The following FAM169A variants were observed in gnomAD, a reference collection of about 807,000 sequenced individuals.
FAM169A encodes the protein soluble lamin-associated protein of 75 kDa.
A neutral mutation model predicts 75.7 loss-of-function variants in FAM169A; 24 were observed. That is an observed-to-expected ratio of 0.32 (90% CI 0.23 to 0.45). FAM169A has a LOEUF of 0.45. Ranked by LOEUF, FAM169A falls within the 20% of genes least tolerant of loss-of-function variation. FAM169A has a pLI of 1.00. For missense variants in FAM169A, 673 were observed against 784.0 expected (o/e 0.86, Z 1.69); for synonymous variants, 271 against 271.0 (o/e 1.00, Z 0.00).
At chr5:74,821,690 A>C (rs1561307747) in intron 5 of FAM169A, among the ~76,000 whole-genome samples, 1 of 152,208 alleles carries the variant, frequency 6.6e-6, no homozygotes, top group Non-Finnish European at 1.5e-5. Flanking sequence ...TTTTTTGTTC[A>C]AATTAACAGT....
At chr5:74,858,626 T>G (rs1487251435) in intron 1 of FAM169A, among the ~76,000 whole-genome samples, 1 of 152,024 alleles carries the variant, frequency 6.6e-6, no homozygotes, top group Non-Finnish European at 1.5e-5. Context: ...AAGCTACCTA[T>G]CAGGTACTAT....
chr5:74,810,516 G>C (rs1413130806), intron 6 of FAM169A, among the ~76,000 whole-genome samples: 1 of 152,018 alleles, frequency 6.6e-6, no homozygotes, highest in African/African-American at 2.4e-5. Context: ...TTGGGAGTCC[G>C]AGGCGGGTGG....
intron 6 of FAM169A, among the ~76,000 whole-genome samples, chr5:74,808,843 T>C (rs879532387): frequency 9.2e-5 from 14 of 152,322 alleles, no homozygotes; most frequent in Admixed American, 2.6e-4. Flanking sequence ...TCAATAAATA[T>C]TGTATTTAGT....
chr5:74,842,106 A>G (rs1561319677), intron 1 of FAM169A, among the ~76,000 whole-genome samples: 1 of 150,298 alleles, frequency 6.7e-6, no homozygotes, highest in South Asian at 2.1e-4. Context: ...ACAACCCTAT[A>G]AATTTCAAAA....
chr5:74,842,420 CAAAAAAAAAAAAAAAAAAAAAA>C (rs56653446), intron 1 of FAM169A, among the ~76,000 whole-genome samples: 1 of 22,462 alleles, frequency 4.5e-5, no homozygotes, highest in Non-Finnish European at 7.7e-5. Context: ...GACTCTATCA[CAAAAAAAAAAAAAAAAAAAAAA>C]AAAAAAAAAA....
At chr5:74,850,770 C>A (rs1056144528) in intron 1 of FAM169A, among the ~76,000 whole-genome samples, 3 of 152,050 alleles carry the variant, frequency 2.0e-5, no homozygotes, top group Non-Finnish European at 4.4e-5. Context: ...AATCTAATAC[C>A]TTAATACAGA....
intron 5 of FAM169A, among the ~76,000 whole-genome samples, chr5:74,822,262 A>T (rs572786199): frequency 1.3e-5 from 2 of 152,294 alleles, no homozygotes; most frequent in East Asian, 3.9e-4. Context: ...AGGAAAAGGA[A>T]TGCATCTTAA....
Position 74,781,338 on chromosome 5 carries a change from AAGTT to A in FAM169A, c.*118_*121del, listed in dbSNP as rs1745398199. The A allele has an allele frequency of 1.1e-5, 9 of 836,104 alleles. No homozygotes were observed. Among genetic ancestry groups the A allele is most frequent in the Non-Finnish European group, 1.7e-5 (9 of 533,958 alleles). The allele number at this position is 836,104 out of a possible 1,614,324, so 51.8% of individuals were successfully genotyped here. Reference sequence around the variant, plus strand: ...GGAAGCAAAAAACTGCATAGTAAGTAAGTTCAAATTGAAATTTTGGAAATTTTTG... The same window carrying A: ...GGAAGCAAAAAACTGCATAGTAAGTACAAATTGAAATTTTGGAAATTTTTG... On this transcript the variant is annotated 3_prime_UTR_variant, in exon 13 of 13. Coordinates refer to ENST00000687041, the MANE Select transcript of FAM169A (RefSeq NM_001376049.1).
intron 10 of FAM169A, among the ~76,000 whole-genome samples, chr5:74,797,337 C>T (rs1322996410): frequency 1.3e-5 from 2 of 152,098 alleles, no homozygotes; most frequent in Non-Finnish European, 1.5e-5. Context: ...CCACCACGCC[C>T]GGCTAATTTT....
rs1745227635 is a variant in FAM169A, at chr5:74,778,367, A to C, written c.*3093T>G. 6.6e-6 allele frequency: 1 copy of C among 152,048 alleles called. No individual in the cohort carries two copies. Among genetic ancestry groups the C allele is most frequent in the Non-Finnish European group, 1.5e-5 (1 of 67,890 alleles). The allele number at this position is 152,048 out of a possible 1,614,324, so 9.4% of individuals were successfully genotyped here. A position where few individuals can be genotyped will look rare whatever the true frequency, so the allele number is the denominator to read the frequency against. Reference sequence around the variant, plus strand: ...AGGTAATCCCAAGGGATAAAGCAGAACATAAGAGCAGATATTTAGATATTA... The same window carrying C: ...AGGTAATCCCAAGGGATAAAGCAGACCATAAGAGCAGATATTTAGATATTA... On this transcript the variant is annotated 3_prime_UTR_variant, in exon 13 of 13. Transcript: ENST00000687041.
rs139333387 is a variant in FAM169A at position 74,781,330 on chromosome 5, TAGTA to T, written c.*126_*129del. ...TTCTAAAGGGAAGCAAAAAACTGCA[TAGTA>T]AGTAAGTTCAAATTGAAATTTTGGA... is the stretch of plus-strand genomic sequence containing the variant. On this transcript the variant is annotated 3_prime_UTR_variant, in exon 13 of 13. Transcript: ENST00000687041. 0.034 allele frequency: 26,713 copies of T among 778,712 alleles called. 605 individuals carry two copies. Among genetic ancestry groups the T allele is most frequent in the Non-Finnish European group, 0.043 (20,754 of 486,760 alleles). 48.2% of individuals were successfully genotyped at this position (778,712 alleles called of 1,614,324 possible). A position where few individuals can be genotyped will look rare whatever the true frequency, so the allele number is the denominator to read the frequency against.
rs555077937 is a variant in FAM169A, at chr5:74,781,355, T to G, written c.*105A>C. 8 of 1,107,514 alleles carry G rather than the reference T, an allele frequency of 7.2e-6. No individual in the cohort carries two copies. The African/African-American group carries it at 1.2e-4, about 17-fold the overall frequency. The allele number at this position is 1,107,514 out of a possible 1,614,324, so 68.6% of individuals were successfully genotyped here. On this transcript the variant is annotated 3_prime_UTR_variant, in exon 13 of 13. Transcript: ENST00000687041. ...TAGTAAGTAAGTTCAAATTGAAATT[T>G]TGGAAATTTTTGTCCTGTGCCCCAT... is the stretch of plus-strand genomic sequence containing the variant.
In FAM169A at chr5:74,840,080, G is replaced by A. The variant is rs1748777845; in HGVS notation, c.226C>T (p.Leu76=). 1 of 1,537,984 alleles carries A rather than the reference G, an allele frequency of 6.5e-7. No homozygotes were observed. The highest frequency in any genetic ancestry group is 2.3e-5 in the East Asian group (1 of 43,892). ...ILALFAPEDS[L]TAVALYLADQ... Reference sequence around the variant, plus strand: ...AAATTAAGCAAAAAGAGACCTGTCAGTGAATCTTCAGGTGCAAAGAGAGCA... The same window carrying A: ...AAATTAAGCAAAAAGAGACCTGTCAATGAATCTTCAGGTGCAAAGAGAGCA... Residue 76 remains leucine (L), a synonymous_variant, in exon 3 of 13, where the codon CTG becomes TTG. Transcript: ENST00000687041.
intron 1 of FAM169A, among the ~76,000 whole-genome samples, chr5:74,860,491 T>C (rs2112747433): frequency 6.6e-6 from 1 of 152,300 alleles, no homozygotes; most frequent in African/African-American, 2.4e-5. Flanking sequence ...ATTATTTTCA[T>C]TCTTACTCCT....
intron 11 of FAM169A, among the ~76,000 whole-genome samples, chr5:74,794,002 CAAA>C (rs1276485325): frequency 2.8e-3 from 143 of 50,734 alleles, no homozygotes; most frequent in Non-Finnish European, 2.5e-3. Context: ...GACTCCATCT[CAAA>C]AAAAAAAAAA....
Position 74,840,121 on chromosome 5 carries a change from T to G in FAM169A, c.185A>C (p.Gln62Pro), listed in dbSNP as rs527483299. 6.2e-7 allele frequency: 1 copy of G among 1,602,236 alleles called. No homozygotes were observed. Among genetic ancestry groups the G allele is most frequent in the East Asian group, 2.2e-5 (1 of 44,452 alleles). Residue 62 changes from glutamine to proline, a missense_variant, in exon 3 of 13, where the codon CAG becomes CCG. Physicochemically the swap from Gln to Pro is moderately conservative, Grantham distance 76. Transcript: ENST00000687041. ...VGFVPLYGGD[Q>P]TQKILALFAP... ...AAAGAGAGCAAGAATTTTCTGGGTC[T>G]GATCTCCACCATAAAGAGGTACAAA... is the stretch of plus-strand genomic sequence containing the variant.
intron 6 of FAM169A, among the ~76,000 whole-genome samples, chr5:74,813,075 T>A (rs1302504816): frequency 2.0e-5 from 3 of 152,168 alleles, no homozygotes; most frequent in Non-Finnish European, 2.9e-5. Context: ...AAAAGCCACA[T>A]GCTATATGAT....
At chr5:74,813,622 G>A (rs113278732) in intron 6 of FAM169A, among the ~76,000 whole-genome samples, 29 of 152,126 alleles carry the variant, frequency 1.9e-4, no homozygotes, top group Non-Finnish European at 3.8e-4. Context: ...CACTGTGCCC[G>A]GCAATTGTAT....
intron 5 of FAM169A, among the ~76,000 whole-genome samples, chr5:74,826,596 T>C (rs778474132): frequency 2.0e-5 from 3 of 152,206 alleles, no homozygotes; most frequent in Non-Finnish European, 2.9e-5. Flanking sequence ...TTTCAATCAA[T>C]AATTACAGAA....
Sources: allele counts gnomAD v4.1 joint callset (sites outside exome capture counted in the v4.1 genomes callset), GRCh38; gene constraint gnomAD v4.1.1; transcripts MANE v1.5; gene names NCBI Gene and HGNC (gene_info 2026-07-23, HGNC 2026-07-21).